The following RTL4 variants were observed in gnomAD, a reference collection of about 807,000 sequenced individuals.
The protein encoded by RTL4 is retrotransposon Gag-like protein 4.
Under a neutral mutation model 5.3 loss-of-function variants are expected in RTL4, and 4 were observed. The ratio of observed to expected loss-of-function variants is 0.75; its 90% CI spans 0.37 to 1.72. The LOEUF (loss-of-function observed/expected upper bound fraction) is 1.72. RTL4 is among the 40% of genes most tolerant of loss of function. The pLI, the probability that RTL4 is intolerant of heterozygous loss-of-function variation, is 0.04. For synonymous variants in RTL4, 98 were observed against 87.3 expected (o/e 1.12, Z -0.68); for missense variants, 260 against 227.1 (o/e 1.14, Z -0.93).
the RTL4 span, among the ~76,000 whole-genome samples, chrX:112,293,047 A>G: frequency 1.8e-5 from 2 of 111,911 alleles, no homozygotes; most frequent in African/African-American, 3.2e-5. Context: ...GCCTATGGAG[A>G]ATCAAAAGAC....
the RTL4 span, among the ~76,000 whole-genome samples, chrX:112,246,563 A>G: frequency 1.8e-5 from 2 of 112,115 alleles, no homozygotes; most frequent in Non-Finnish European, 3.8e-5. Context: ...CCATTTGCTA[A>G]GACTGTTGGA....
the RTL4 span, among the ~76,000 whole-genome samples, chrX:112,403,291 A>G: frequency 4.5e-5 from 5 of 112,123 alleles, no homozygotes; most frequent in African/African-American, 1.3e-4. Context: ...GGAACCACAA[A>G]TTTCACCCAC....
chrX:112,347,075 C>T, the RTL4 span, among the ~76,000 whole-genome samples: 4 of 111,675 alleles, frequency 3.6e-5, no homozygotes, highest in Non-Finnish European at 7.5e-5. Context: ...TGAAGTCTGG[C>T]TTTGCCATTT....
the RTL4 span, among the ~76,000 whole-genome samples, chrX:112,225,631 A>T: frequency 6.3e-5 from 7 of 111,907 alleles, no homozygotes; most frequent in Admixed American, 5.7e-4. Context: ...CAACAGAATG[A>T]TGAGTGGAGG....
the RTL4 span, among the ~76,000 whole-genome samples, chrX:112,179,297 C>G: frequency 2.7e-5 from 3 of 110,515 alleles, no homozygotes; most frequent in African/African-American, 6.6e-5. Flanking sequence ...TGCTTCTGCT[C>G]CATATGTTAA....
the RTL4 span, among the ~76,000 whole-genome samples, chrX:112,204,719 C>T: frequency 5.5e-4 from 61 of 110,988 alleles, no homozygotes; most frequent in African/African-American, 2.0e-3. Flanking sequence ...TAAAAAATAG[C>T]CAGAAGAATG....
chrX:112,288,220 G>A, the RTL4 span, among the ~76,000 whole-genome samples: 2 of 112,241 alleles, frequency 1.8e-5, no homozygotes, highest in African/African-American at 3.2e-5. Context: ...GAAGTCTACT[G>A]TTATAGAAAT....
chrX:112,208,872 C>G, the RTL4 span, among the ~76,000 whole-genome samples: 22 of 112,495 alleles, frequency 2.0e-4, no homozygotes, highest in African/African-American at 7.1e-4. Flanking sequence ...TGTGGTATCA[C>G]AGCTGAAGGA....
the RTL4 span, among the ~76,000 whole-genome samples, chrX:112,152,380 GTTGGGAGC>G: frequency 8.9e-6 from 1 of 112,024 alleles, no homozygotes. Context: ...AGTTTGTATA[GTTGGGAGC>G]TTGGAGAATA....
chrX:112,105,831 C>T, the RTL4 span, among the ~76,000 whole-genome samples: 4 of 111,364 alleles, frequency 3.6e-5, no homozygotes, highest in African/African-American at 1.3e-4. Context: ...CAAATAGAAA[C>T]AGTTGAACTT....
chrX:112,117,437 AT>A, the RTL4 span, among the ~76,000 whole-genome samples: 2 of 110,307 alleles, frequency 1.8e-5, no homozygotes, highest in Admixed American at 9.6e-5. Flanking sequence ...TGGGGAAAAT[AT>A]TTTCAACATA....
At chrX:112,395,371 C>G in the RTL4 span, among the ~76,000 whole-genome samples, 4 of 110,599 alleles carry the variant, frequency 3.6e-5, no homozygotes, top group East Asian at 2.8e-4. Flanking sequence ...ATCTATTTTA[C>G]TATATTTTAC....
chrX:112,355,481 G>T, the RTL4 span, among the ~76,000 whole-genome samples: 1 of 111,285 alleles, frequency 9.0e-6, no homozygotes, highest in Non-Finnish European at 1.9e-5. Flanking sequence ...GAAAAGGAGA[G>T]GATAGAAGGG....
the RTL4 span, among the ~76,000 whole-genome samples, chrX:112,134,027 T>G: frequency 1.8e-5 from 2 of 112,472 alleles, no homozygotes; most frequent in East Asian, 5.6e-4. Flanking sequence ...TAAACAAATG[T>G]AGTGAAAAAT....
At chrX:112,122,131 C>G in the RTL4 span, among the ~76,000 whole-genome samples, 17,932 of 110,945 alleles carry the variant, frequency 0.16, 2,167 homozygotes, top group African/African-American at 0.42. Context: ...ATCTGCACTC[C>G]CATGTGTTTT....
At chrX:112,127,725 G>T in the RTL4 span, among the ~76,000 whole-genome samples, 4 of 112,055 alleles carry the variant, frequency 3.6e-5, no homozygotes, top group Non-Finnish European at 7.5e-5. Flanking sequence ...ATTCTACAAA[G>T]TTTCAGAGCA....
the RTL4 span, among the ~76,000 whole-genome samples, chrX:112,248,369 G>A: frequency 1.8e-5 from 2 of 112,287 alleles, no homozygotes; most frequent in South Asian, 3.7e-4. Context: ...GATTTTCAGT[G>A]GATAATTTGA....
chrX:112,189,624 C>T, the RTL4 span, among the ~76,000 whole-genome samples: 2 of 110,710 alleles, frequency 1.8e-5, no homozygotes, highest in Admixed American at 9.6e-5. Context: ...ATTAGCCAGG[C>T]GTGGTGGCAG....
At chrX:112,162,397 T>C in the RTL4 span, among the ~76,000 whole-genome samples, 1 of 111,651 alleles carries the variant, frequency 9.0e-6, no homozygotes, top group African/African-American at 3.3e-5. Flanking sequence ...GTAAGGACAG[T>C]GTAAAACCAA....
Sources: gnomAD v4.1 joint callset for allele counts (sites outside exome capture counted in the v4.1 genomes callset) on GRCh38, gnomAD v4.1.1 for gene constraint, MANE v1.5 for transcripts, NCBI Gene and HGNC (gene_info 2026-07-23, HGNC 2026-07-21) for gene names.